Variants in FPGT observed in about 807,000 individuals in gnomAD.
FPGT encodes GDP-L-fucose diphosphorylase.
A neutral mutation model predicts 45.8 loss-of-function variants in FPGT; 41 were observed. The observed-to-expected ratio is 0.90, with a 90% CI of 0.70 to 1.16. The LOEUF (loss-of-function observed/expected upper bound fraction) is 1.16. Ranked by LOEUF, FPGT falls within the 50% of genes most tolerant of loss-of-function variation. The pLI is 0.00. For missense variants in FPGT, 755 were observed against 689.1 expected (o/e 1.10, Z -1.07); for synonymous variants, 292 against 247.2 (o/e 1.18, Z -1.70).
chr1:74,201,468 T>G lies in FPGT; in HGVS notation c.343+58T>G, dbSNP rs1000989782. ...TTTTAGTCTTCCACCTTTAATACTTTAGAGACTTTTTTCTTTCTTGCAAAC... is the reference window on the plus strand; with the variant it reads ...TTTTAGTCTTCCACCTTTAATACTTGAGAGACTTTTTTCTTTCTTGCAAAC... On this transcript the variant is annotated intron_variant, in intron 3 of 3. Transcript: ENST00000370898. 9 of 1,146,430 alleles carry G rather than the reference T, an allele frequency of 7.9e-6. No individual in the cohort carries two copies. In the Admixed American group the frequency reaches 2.1e-4, roughly 26 times the overall value. 71.0% of individuals were successfully genotyped at this position (1,146,430 alleles called of 1,614,324 possible).
Position 74,199,812 on chromosome 1 carries a change from TC to T in FPGT, c.233del (p.Pro78LeufsTer34), listed in dbSNP as rs763798519. ...LGVQYHVFVDPAGAKIGNGGS... is the reference protein window; with the variant it reads ...LGVQYHVFVDXAGAKIGNGGS... ...GAGTTCAATATCACGTTTTTGTGGA[TC>T]CTGCTGGAGCCAAAATTGGTACGCG... On this transcript the variant is annotated frameshift_variant, in exon 2 of 4. Transcript: ENST00000370898. LOFTEE classifies it high-confidence loss of function. 1 of 1,613,906 alleles carries T rather than the reference TC, an allele frequency of 6.2e-7. No homozygotes were observed.
chr1:74,201,376 AT>A lies in FPGT; in HGVS notation c.310del (p.Trp104GlyfsTer8), dbSNP rs1329293428. 6.8e-6 allele frequency: 11 copies of A among 1,611,070 alleles called. No homozygotes were observed. The highest frequency in any genetic ancestry group is 9.3e-6 in the Non-Finnish European group (11 of 1,178,804). On this transcript the variant is annotated frameshift_variant, in exon 3 of 4. Coordinates refer to ENST00000370898, the MANE Select transcript of FPGT (RefSeq NM_003838.5). LOFTEE classifies it high-confidence loss of function. ...QCLEKLYGDK[W>X]NSFTILLIHS... is the part of the protein sequence containing the mutation. ...GTTTGGAAAAGCTATATGGAGATAA[AT>A]GGAATTCTTTTACCATCTTATTAAT...
At position 74,207,590 on chromosome 1, in the gene FPGT, C is replaced by T. The variant is rs1296642452; in HGVS notation, c.*1758C>T. 1.3e-5 allele frequency among the ~76,000 whole-genome samples: 2 copies of T among 151,988 alleles called. No individual in the cohort carries two copies. Among genetic ancestry groups the T allele is most frequent in the Admixed American group, 1.3e-4 (2 of 15,242 alleles). The stretch of plus-strand genomic sequence containing the variant: ...AGTTTCACTTTTCTTTCAGTTTAAT[C>T]ACAGGTCCTTAGAAGATCGGACCTG... On this transcript the variant is annotated 3_prime_UTR_variant, in exon 4 of 4. Coordinates refer to ENST00000370898, the MANE Select transcript of FPGT (RefSeq NM_003838.5).
In FPGT at chr1:74,205,439, A is replaced by T; in HGVS notation, c.1392A>T (p.Leu464Phe). The T allele has an allele frequency of 1.9e-6, 3 of 1,614,032 alleles. No homozygotes were observed. Among genetic ancestry groups the T allele is most frequent in the Non-Finnish European group, 2.5e-6 (3 of 1,179,860 alleles). ...TAAGCTTAAAGATGAATAGATGCTT[A>T]AAGTATGCAACTATGGCATTTGGAG... ...CSLSLKMNRC[L>F]KYATMAFGVQ... The change falls in exon 4 of 4, where the codon TTA becomes TTT. Residue 464 changes from leucine (L) to phenylalanine (F), a missense_variant. By Grantham distance (22) the Leu-to-Phe change is conservative. Coordinates refer to ENST00000370898, the MANE Select transcript of FPGT (RefSeq NM_003838.5).
At position 74,204,467 on chromosome 1, in the gene FPGT, T is replaced by G. The variant is rs1452219965; in HGVS notation, c.420T>G (p.Ile140Met). 1 of 1,610,286 alleles carries G rather than the reference T, an allele frequency of 6.2e-7. No individual in the cohort carries two copies. Among genetic ancestry groups the G allele is most frequent in the East Asian group, 2.2e-5 (1 of 44,854 alleles). The change falls in exon 4 of 4, where the codon ATT becomes ATG. Residue 140 changes from isoleucine (I) to methionine (M), a missense_variant. Transcript: ENST00000370898. ...IFTALPLGNP[I>M]YQMLELKLAM... ...CTGCTTTACCTCTTGGTAACCCCAT[T>G]TATCAGATGCTAGAATTAAAACTAG...
intron 1 of FPGT, among the ~76,000 whole-genome samples, chr1:74,199,052 T>G (rs761887039): frequency 1.1e-4 from 16 of 152,208 alleles, no homozygotes; most frequent in Non-Finnish European, 2.9e-5. Context: ...TCCAACTGTC[T>G]ACTAAAAGTG....
At position 74,198,403 on chromosome 1, in the gene FPGT, G is replaced by C. The variant is rs375715390; in HGVS notation, c.82+43G>C. 2.2e-5 allele frequency: 35 copies of C among 1,609,974 alleles called. No homozygotes were observed. The African/African-American group carries it at 4.7e-4, about 21-fold the overall frequency. ...GGAGTTCTCCTGGGCAATGCAGAGG[G>C]AGGGTGCTTTTACGTGCCAGGAGGT... On this transcript the variant is annotated intron_variant, in intron 1 of 3. Coordinates refer to ENST00000370898, the MANE Select transcript of FPGT (RefSeq NM_003838.5).
rs913900910 is a variant in FPGT at position 74,207,033 on chromosome 1, A to C, written c.*1201A>C. The C allele has an allele frequency of 2.0e-5, 3 of 152,012 alleles. No homozygotes were observed. Among genetic ancestry groups the C allele is most frequent in the African/African-American group, 7.2e-5 (3 of 41,408 alleles). 9.4% of individuals were successfully genotyped at this position (152,012 alleles called of 1,614,324 possible). A position where few individuals can be genotyped will look rare whatever the true frequency, so the allele number is the denominator to read the frequency against. ...TTTTCCAAAGTTTTTCCCAAGGAGA[A>C]GATACAAATATATGGTAGCTATTGT... On this transcript the variant is annotated 3_prime_UTR_variant, in exon 4 of 4. Coordinates refer to ENST00000370898, the MANE Select transcript of FPGT (RefSeq NM_003838.5).
Position 74,204,685 on chromosome 1 carries a change from A to C in FPGT, c.638A>C (p.Asp213Ala). 2 of 1,613,556 alleles carry C rather than the reference A, an allele frequency of 1.2e-6. No individual in the cohort carries two copies. Among genetic ancestry groups the C allele is most frequent in the Non-Finnish European group, 1.7e-6 (2 of 1,179,520 alleles). Residue 213 changes from aspartate to alanine, a missense_variant, in exon 4 of 4, where the codon GAT becomes GCT. Transcript: ENST00000370898. The stretch of plus-strand genomic sequence containing the variant: ...GTATTTGTCTTAGATCCTTTTGATG[A>C]TTTAAAACATAGAGACCTTGAATAC... ...HGVFVLDPFD[D>A]LKHRDLEYRS...
At position 74,205,711 on chromosome 1, in the gene FPGT, G is replaced by T. The variant is rs190585230; in HGVS notation, c.1664G>T (p.Ser555Ile). The change falls in exon 4 of 4, where the codon AGC (serine) becomes ATC (isoleucine). Residue 555 changes from serine (S) to isoleucine (I), a missense_variant. Physicochemically the swap from Ser to Ile is moderately radical, Grantham distance 142. Transcript: ENST00000370898. ...GCTGTTAAGAACAAGTCAGCATTCA[G>T]CCTGAATAGCTATAAGTTGCTGTCC... ...LNAVKNKSAF[S>I]LNSYKLLSIE... 1.9e-6 allele frequency: 3 copies of T among 1,609,734 alleles called. No individual in the cohort carries two copies. The East Asian group carries it at 6.7e-5, about 36-fold the overall frequency.
rs1652204660 is a variant in FPGT at position 74,205,504 on chromosome 1, A to G, written c.1457A>G (p.Asp486Gly). 2 of 1,612,918 alleles carry G rather than the reference A, an allele frequency of 1.2e-6. No individual in the cohort carries two copies. The highest frequency in any genetic ancestry group is 2.7e-5 in the African/African-American group (2 of 75,034). The change falls in exon 4 of 4, where the codon GAT becomes GGT. Residue 486 changes from aspartate to glycine, a missense_variant. Physicochemically the swap from Asp to Gly is moderately conservative, Grantham distance 94. Transcript: ENST00000370898. Reference protein sequence around the residue: ...NLKKSVKTLSDIKLLQFFGVC... With the variant: ...NLKKSVKTLSGIKLLQFFGVC... ...AAAAAGAGTGTGAAAACATTGTCAG[A>G]TATAAAGTTACTTCAATTCTTTGGA...
chr1:74,201,363 T>A lies in FPGT; in HGVS notation c.296T>A (p.Leu99Gln), dbSNP rs1651779804. Residue 99 changes from leucine (L) to glutamine (Q), a missense_variant, in exon 3 of 4, where the codon CTA (leucine) becomes CAA (glutamine). Coordinates refer to ENST00000370898, the MANE Select transcript of FPGT (RefSeq NM_003838.5). Reference protein sequence around the residue: ...TLCALQCLEKLYGDKWNSFTI... With the variant: ...TLCALQCLEKQYGDKWNSFTI... ...TGTGCCCTTCAATGTTTGGAAAAGC[T>A]ATATGGAGATAAATGGAATTCTTTT... 6.2e-7 allele frequency: 1 copy of A among 1,611,928 alleles called. No individual in the cohort carries two copies. Among genetic ancestry groups the A allele is most frequent in the East Asian group, 2.2e-5 (1 of 44,686 alleles).
chr1:74,201,504 T>C, intron 3 of FPGT, 94 bp downstream of exon 3: 1 of 750,264 alleles, frequency 1.3e-6, no homozygotes, highest in Non-Finnish European at 2.0e-6. Flanking sequence ...ACTTTCCTTC[T>C]TTTTTAAAAG....
rs1325482770 is a variant in FPGT at position 74,204,823 on chromosome 1, C to T, written c.776C>T (p.Ala259Val). The T allele has an allele frequency of 2.5e-6, 4 of 1,613,322 alleles. No individual in the cohort carries two copies. The highest frequency in any genetic ancestry group is 3.4e-6 in the Non-Finnish European group (4 of 1,179,890). Residue 259 changes from alanine (A) to valine (V), a missense_variant, in exon 4 of 4, where the codon GCC becomes GTC. Transcript: ENST00000370898. ...CQQDFAGGDIADLKLDSDYVY... is the reference protein window; with the variant it reads ...CQQDFAGGDIVDLKLDSDYVY... ...CAGGACTTTGCTGGGGGTGACATTG[C>T]CGATCTTAAATTAGACTCTGACTAT... is the stretch of plus-strand genomic sequence containing the variant.
In FPGT at chr1:74,205,225, C is replaced by T. The variant is rs767489533; in HGVS notation, c.1178C>T (p.Pro393Leu). The T allele has an allele frequency of 2.7e-5, 43 of 1,613,836 alleles. No homozygotes were observed. The highest frequency in any genetic ancestry group is 3.6e-5 in the Non-Finnish European group (43 of 1,179,922). Residue 393 changes from proline to leucine, a missense_variant, in exon 4 of 4, where the codon CCA (proline) becomes CTA (leucine). Transcript: ENST00000370898. The part of the protein sequence containing the change: ...SITFSIFPDI[P>L]ECSGKTSCII... ...ACTTTTAGTATCTTTCCAGATATACCAGAATGCTCTGGCAAAACATCCTGT... is the reference window on the plus strand; with the variant it reads ...ACTTTTAGTATCTTTCCAGATATACTAGAATGCTCTGGCAAAACATCCTGT...
In FPGT at chr1:74,205,444, A is replaced by G; in HGVS notation, c.1397A>G (p.Tyr466Cys). The change falls in exon 4 of 4, where the codon TAT (tyrosine) becomes TGT (cysteine). Residue 466 changes from tyrosine (Y) to cysteine (C), a missense_variant. Coordinates refer to ENST00000370898, the MANE Select transcript of FPGT (RefSeq NM_003838.5). ...LSLKMNRCLK[Y>C]ATMAFGVQDN... ...TTAAAGATGAATAGATGCTTAAAGT[A>G]TGCAACTATGGCATTTGGAGTGCAA... 2.5e-6 allele frequency: 4 copies of G among 1,614,052 alleles called. No individual in the cohort carries two copies. Among genetic ancestry groups the G allele is most frequent in the South Asian group, 1.1e-5 (1 of 91,082 alleles).
rs1264811629 is a variant in FPGT at position 74,208,603 on chromosome 1, GATA to G, written c.*2777_*2779del. On this transcript the variant is annotated 3_prime_UTR_variant, in exon 4 of 4. Coordinates refer to ENST00000370898, the MANE Select transcript of FPGT (RefSeq NM_003838.5). ...AGGGCATGGGAAAAATTCAACATTTGATAATAATCTTTTACCTTAGGCATTTAT... is the reference window on the plus strand; with the variant it reads ...AGGGCATGGGAAAAATTCAACATTTGATAATCTTTTACCTTAGGCATTTAT... Among the ~76,000 whole-genome samples the G allele has an allele frequency of 3.9e-5, 6 of 151,964 alleles. No individual in the cohort carries two copies. The highest frequency in any genetic ancestry group is 9.7e-5 in the African/African-American group (4 of 41,378).
rs964603151 is a variant in FPGT at position 74,206,138 on chromosome 1, A to T, written c.*306A>T. On this transcript the variant is annotated 3_prime_UTR_variant, in exon 4 of 4. Transcript: ENST00000370898. ...GTAATTTTCTAAGCATACCTTTGGA[A>T]TTTTTCCATCTTTTTTGAGGCTTTT... The T allele has an allele frequency of 8.5e-5, 17 of 200,386 alleles. No homozygotes were observed. Among genetic ancestry groups the T allele is most frequent in the Non-Finnish European group, 1.4e-4 (14 of 100,366 alleles). 12.4% of individuals were successfully genotyped at this position (200,386 alleles called of 1,614,324 possible).
In FPGT at chr1:74,205,214, T is replaced by C; in HGVS notation, c.1167T>C (p.Phe389=). ...TACAGTCCATAACTTTTAGTATCTTTCCAGATATACCAGAATGCTCTGGCA... is the reference window on the plus strand; with the variant it reads ...TACAGTCCATAACTTTTAGTATCTTCCCAGATATACCAGAATGCTCTGGCA... ...LGLQSITFSI[F]PDIPECSGKT... Residue 389 remains phenylalanine (F), a synonymous_variant, in exon 4 of 4, where the codon TTT becomes TTC. Transcript: ENST00000370898. The C allele has an allele frequency of 6.2e-7, 1 of 1,614,066 alleles. No homozygotes were observed. The highest frequency in any genetic ancestry group is 8.5e-7 in the Non-Finnish European group (1 of 1,179,930).
Sources: allele counts gnomAD v4.1 joint callset (sites outside exome capture counted in the v4.1 genomes callset), GRCh38; gene constraint gnomAD v4.1.1; transcripts MANE v1.5; gene names NCBI Gene and HGNC (gene_info 2026-07-23, HGNC 2026-07-21).